The following GTPBP4 variants were observed in gnomAD, a reference collection of about 807,000 sequenced individuals.
GTPBP4 encodes GTP-binding protein 4.
Under a neutral mutation model 81.7 loss-of-function variants are expected in GTPBP4, and 15 were observed. That is an observed-to-expected ratio of 0.18 (90% CI 0.12 to 0.28). GTPBP4 has a LOEUF of 0.28. Ranked by LOEUF, GTPBP4 falls within the 10% of genes least tolerant of loss-of-function variation. The pLI is 1.00. For synonymous variants in GTPBP4, 272 were observed against 274.6 expected (o/e 0.99, Z 0.09); for missense variants, 847 against 793.8 (o/e 1.07, Z -0.81).
At position 992,298 on chromosome 10, in the gene GTPBP4, G is replaced by A. The variant is rs111960795; in HGVS notation, c.49-191G>A. ...GCCTGTAGTCCCAGCTACTCTGGAGGCTGAGGCAGGATAATGGCATGAACC... is the reference window on the plus strand; with the variant it reads ...GCCTGTAGTCCCAGCTACTCTGGAGACTGAGGCAGGATAATGGCATGAACC... On this transcript the variant is annotated intron_variant, in intron 1 of 16. Coordinates refer to ENST00000360803, the MANE Select transcript of GTPBP4 (RefSeq NM_012341.3). Among the ~76,000 whole-genome samples the A allele has an allele frequency of 3.1e-3, 463 of 151,552 alleles. 2 individuals are homozygous for A. Among genetic ancestry groups the A allele is most frequent in the African/African-American group, 0.01 (416 of 41,348 alleles).
rs1831970591 is a variant in GTPBP4 at position 1,015,579 on chromosome 10, G to GAGCA, written c.1609-174_1609-173insAGCA. 1.5e-3 allele frequency among the ~76,000 whole-genome samples: 4 copies of GAGCA among 2,630 alleles called. 2 individuals are homozygous for GAGCA. Among genetic ancestry groups the GAGCA allele is most frequent in the African/African-American group, 2.1e-3 (4 of 1,866 alleles). The allele number at this position is 2,630 out of a possible 152,430, so 1.7% of individuals were successfully genotyped here. A position where few individuals can be genotyped will look rare whatever the true frequency, so the allele number is the denominator to read the frequency against. Reference sequence around the variant, plus strand: ...TGGGAGCGGGGCTGGGGTCCTGAGCGCTGAGCCTGGGAGCGGGGCTGGGGT... The same window carrying GAGCA: ...TGGGAGCGGGGCTGGGGTCCTGAGCGAGCACTGAGCCTGGGAGCGGGGCTGGGGT... On this transcript the variant is annotated intron_variant, in intron 15 of 16. Coordinates refer to ENST00000360803, the MANE Select transcript of GTPBP4 (RefSeq NM_012341.3).
chr10:1,015,559 GCGGGGC>G (rs1430082973), intron 15 of GTPBP4, among the ~76,000 whole-genome samples, 188 bp from the exon 16 acceptor site: 2 of 119,616 alleles, frequency 1.7e-5, no homozygotes, highest in Non-Finnish European at 3.8e-5. Context: ...GAGCCTGGGA[GCGGGGC>G]TGGGGTCCTG....
In GTPBP4 at chr10:995,929, G is replaced by T. The variant is rs1374328373; in HGVS notation, c.220G>T (p.Asp74Tyr). The change falls in exon 3 of 17, where the codon GAT (aspartate) becomes TAT (tyrosine). Residue 74 changes from aspartate (D) to tyrosine (Y), a missense_variant and splice_region_variant. By Grantham distance (160) the Asp-to-Tyr change is radical. Transcript: ENST00000360803. ...CGTGGTGTGCTTTTGTTTGTTACAG[G>T]ATATTCATCCGTTCTATGCTGATTT... ...QILTDFPKLD[D>Y]IHPFYADLMN... The T allele has an allele frequency of 3.2e-5, 51 of 1,572,080 alleles. No individual in the cohort carries two copies. Among genetic ancestry groups the T allele is most frequent in the Admixed American group, 6.7e-5 (4 of 59,670 alleles).
At chr10:1,011,200 G>T (rs1831863297) in intron 13 of GTPBP4, among the ~76,000 whole-genome samples, 2 of 115,676 alleles carry the variant, frequency 1.7e-5, no homozygotes, top group Non-Finnish European at 2.0e-5. Context: ...TCCCCACCCT[G>T]TATCTCCGCC....
At position 1,008,953 on chromosome 10, in the gene GTPBP4, C is replaced by T. The variant is rs1413010577; in HGVS notation, c.1114-5C>T. The T allele has an allele frequency of 6.2e-7, 1 of 1,602,690 alleles. No homozygotes were observed. Among genetic ancestry groups the T allele is most frequent in the Non-Finnish European group, 8.6e-7 (1 of 1,169,522 alleles). On this transcript the variant is annotated splice_region_variant and splice_polypyrimidine_tract_variant and intron_variant, in intron 10 of 16. Transcript: ENST00000360803. Reference sequence around the variant, plus strand: ...ACATAAATATTTTATATGGGATCTTCTCAGGAGAGGCCCCCTTTCATCCCT... The same window carrying T: ...ACATAAATATTTTATATGGGATCTTTTCAGGAGAGGCCCCCTTTCATCCCT...
Position 1,001,060 on chromosome 10 carries a change from A to G in GTPBP4, c.912+47A>G, listed in dbSNP as rs754121088. On this transcript the variant is annotated intron_variant, in intron 8 of 16. Transcript: ENST00000360803. ...AATATTTCTTACTTACCAATTCTGA[A>G]TTCTCATCTCAGACAACCAAAGTTT... 1.8e-5 allele frequency: 24 copies of G among 1,348,444 alleles called. No individual in the cohort carries two copies. The Admixed American group carries it at 2.7e-4, about 15-fold the overall frequency. The allele number at this position is 1,348,444 out of a possible 1,614,324, so 83.5% of individuals were successfully genotyped here.
rs148707910 is a variant in GTPBP4 at position 1,009,465 on chromosome 10, G to A, written c.1192-64G>A. 168 of 1,029,942 alleles carry A rather than the reference G, an allele frequency of 1.6e-4. 1 individual carries two copies. The East Asian group carries it at 4.0e-3, about 24-fold the overall frequency. The allele number at this position is 1,029,942 out of a possible 1,614,324, so 63.8% of individuals were successfully genotyped here. ...GAAAAGATTGTTTCAAGTGACAAGG[G>A]GCAGAGCATTTCTGGATCTGAAAGG... On this transcript the variant is annotated intron_variant, in intron 11 of 16. Transcript: ENST00000360803.
chr10:1,012,078 G>A (rs1831887762), intron 13 of GTPBP4, among the ~76,000 whole-genome samples: 1 of 152,208 alleles, frequency 6.6e-6, no homozygotes, highest in Admixed American at 6.5e-5. Context: ...TGTATTTGGG[G>A]TGACATTAGA....
At position 1,000,706 on chromosome 10, in the gene GTPBP4, C is replaced by T. The variant is rs545627459; in HGVS notation, c.684C>T (p.His228=). 6.4e-7 allele frequency: 1 copy of T among 1,554,122 alleles called. No individual in the cohort carries two copies. The highest frequency in any genetic ancestry group is 1.3e-5 in the South Asian group (1 of 79,782). The part of the protein sequence containing the change: ...QVVDTPGILD[H]PLEDRNTIEM... ...TAGACACTCCTGGGATCCTGGACCA[C>T]CCTCTGGAGGATAGGAACACCATCG... Residue 228 remains histidine, a synonymous_variant, in exon 7 of 17, where the codon CAC becomes CAT. Transcript: ENST00000360803.
chr10:1,004,690 C>G (rs190497218), intron 8 of GTPBP4, among the ~76,000 whole-genome samples: 1 of 152,138 alleles, frequency 6.6e-6, no homozygotes, highest in Admixed American at 6.5e-5. Flanking sequence ...GGCAGGGTAC[C>G]GTTGGGTGCT....
At chr10:1,001,872 G>A (rs1831640397) in intron 8 of GTPBP4, among the ~76,000 whole-genome samples, 1 of 151,676 alleles carries the variant, frequency 6.6e-6, no homozygotes, top group African/African-American at 2.4e-5. Context: ...TGCAGCGGTT[G>A]GATGACATGT....
chr10:1,001,160 A>G, intron 8 of GTPBP4, 147 bp downstream of exon 8: 1 of 627,926 alleles, frequency 1.6e-6, no homozygotes. Flanking sequence ...TGGTTTAGTG[A>G]AAAGACATAA....
chr10:1,007,856 G>C (rs1239336447), intron 10 of GTPBP4: 1 of 513,000 alleles, frequency 1.9e-6, no homozygotes, highest in Non-Finnish European at 3.9e-6. Context: ...GGGTGCGGTT[G>C]AGCATGTTTG....
At chr10:990,361 GCATCGGGT>G (rs1182773617) in intron 1 of GTPBP4, among the ~76,000 whole-genome samples, 1 of 152,028 alleles carries the variant, frequency 6.6e-6, no homozygotes, top group East Asian at 1.9e-4. Flanking sequence ...CCTGTCCTGT[GCATCGGGT>G]ACTGTGTTAC....
At chr10:990,889 C>G (rs993307338) in intron 1 of GTPBP4, among the ~76,000 whole-genome samples, 4 of 151,544 alleles carry the variant, frequency 2.6e-5, no homozygotes, top group Non-Finnish European at 4.4e-5. Context: ...AAGTAGGTAA[C>G]CTTTGACTTG....
At position 1,017,216 on chromosome 10, in the gene GTPBP4, G is replaced by C. The variant is rs1832009168; in HGVS notation, c.1894G>C (p.Asp632His). 6.2e-7 allele frequency: 1 copy of C among 1,614,118 alleles called. No homozygotes were observed. Residue 632 changes from aspartate (D) to histidine (H), a missense_variant, in exon 17 of 17, where the codon GAC becomes CAC. Physicochemically the swap from Asp to His is moderately conservative, Grantham distance 81 (BLOSUM62 -1). Coordinates refer to ENST00000360803, the MANE Select transcript of GTPBP4 (RefSeq NM_012341.3). ...TGGGAAGAGGAAAGCTGGTAAAAAG[G>C]ACAGGAGATAGTATCCGTTTGGTTG... is the stretch of plus-strand genomic sequence containing the variant. ...LSGKRKAGKK[D>H]RR
chr10:1,011,215 C>A (rs570689644), intron 13 of GTPBP4, among the ~76,000 whole-genome samples: 261 of 145,732 alleles, frequency 1.8e-3, no homozygotes, highest in African/African-American at 6.1e-3. Flanking sequence ...TCCGCCAGGC[C>A]CTTAATGGAC....
At chr10:1,014,045 A>G (rs1180991307) in intron 14 of GTPBP4, among the ~76,000 whole-genome samples, 1 of 152,230 alleles carries the variant, frequency 6.6e-6, no homozygotes, top group Non-Finnish European at 1.5e-5. Context: ...TTCCCACAGC[A>G]ACTGCTCTGT....
chr10:1,014,415 G>A, intron 15 of GTPBP4, 103 bp downstream of exon 15: 1 of 779,354 alleles, frequency 1.3e-6, no homozygotes, highest in Admixed American at 1.9e-5. Flanking sequence ...CCAGCACTTT[G>A]GGAGGCCAAG....
Sources: allele counts gnomAD v4.1 joint callset (sites outside exome capture counted in the v4.1 genomes callset), GRCh38; gene constraint gnomAD v4.1.1; transcripts MANE v1.5; gene names NCBI Gene and HGNC (gene_info 2026-07-23, HGNC 2026-07-21).